Variants in EPB42 observed in about 807,000 individuals in gnomAD.
The protein encoded by EPB42 is erythrocyte membrane protein band 4.2.
EPB42 carries 49 observed loss-of-function variants against 76.9 expected under a neutral mutation model. The observed-to-expected ratio is 0.64, with a 90% CI of 0.51 to 0.81. The LOEUF (loss-of-function observed/expected upper bound fraction) is 0.81, where lower values mean the gene tolerates loss of function less well. EPB42 is among the 30% of genes least tolerant of loss of function. EPB42 has a pLI of 0.00. For missense variants in EPB42, 731 were observed against 867.6 expected (o/e 0.84, Z 1.98); for synonymous variants, 310 against 338.4 (o/e 0.92, Z 0.92).
intron 10 of EPB42, among the ~76,000 whole-genome samples, chr15:43,205,566 AT>A (rs2042190132): frequency 6.6e-6 from 1 of 151,948 alleles, no homozygotes; most frequent in Non-Finnish European, 1.5e-5. Context: ...AGCCTGGCTA[AT>A]TTTTGTATTT....
Position 43,197,482 on chromosome 15 carries a change from G to A in EPB42, c.1914-18C>T, listed in dbSNP as rs2042058912. The A allele has an allele frequency of 1.2e-6, 2 of 1,613,384 alleles. No individual in the cohort carries two copies. The highest frequency in any genetic ancestry group is 1.3e-5 in the African/African-American group (1 of 74,894). ...AACGGAATCTGAAATAAAGGAAAAG[G>A]CAGGTGCTAGTTCTGTCCCAGGTTC... On this transcript the variant is annotated intron_variant, in intron 12 of 12. Coordinates refer to ENST00000441366, the MANE Select transcript of EPB42 (RefSeq NM_001114134.2).
chr15:43,211,599 C>T, intron 3 of EPB42, 65 bp from the exon 4 acceptor site: 1 of 1,064,706 alleles, frequency 9.4e-7, no homozygotes, highest in Non-Finnish European at 1.5e-6. Context: ...ACATCCAGGC[C>T]TCTGTCCTCC....
intron 10 of EPB42, among the ~76,000 whole-genome samples, chr15:43,204,091 G>T (rs527771560): frequency 3.9e-5 from 6 of 152,194 alleles, no homozygotes; most frequent in African/African-American, 1.2e-4. Context: ...CAGTGTCCCT[G>T]GCTGACTACT....
chr15:43,198,080 G>T (rs566061601), intron 12 of EPB42, among the ~76,000 whole-genome samples: 1 of 152,266 alleles, frequency 6.6e-6, no homozygotes, highest in African/African-American at 2.4e-5. Flanking sequence ...TTTCTTCCCA[G>T]TCTCAGGTAT....
chr15:43,205,674 A>G (rs1467771784), intron 10 of EPB42, among the ~76,000 whole-genome samples: 1 of 152,190 alleles, frequency 6.6e-6, no homozygotes, highest in Non-Finnish European at 1.5e-5. Flanking sequence ...TGCTGGGATT[A>G]CAGGCATGAG....
At chr15:43,199,922 A>T (rs1354705111) in intron 12 of EPB42, among the ~76,000 whole-genome samples, 1 of 152,238 alleles carries the variant, frequency 6.6e-6, no homozygotes, top group East Asian at 1.9e-4. Context: ...TCCCGCCATG[A>T]TTCTGAGGCC....
At position 43,207,190 on chromosome 15, in the gene EPB42, G is replaced by A; in HGVS notation, c.1318+9C>T. On this transcript the variant is annotated intron_variant, in intron 9 of 12. Coordinates refer to ENST00000441366, the MANE Select transcript of EPB42 (RefSeq NM_001114134.2). ...ACCGAGAAGCCTGGGGCCCTTCCCTGGCCCGTACCTTCAGGATACTTGTAG... is the reference window on the plus strand; with the variant it reads ...ACCGAGAAGCCTGGGGCCCTTCCCTAGCCCGTACCTTCAGGATACTTGTAG... The A allele has an allele frequency of 6.2e-7, 1 of 1,613,816 alleles. No individual in the cohort carries two copies. Among genetic ancestry groups the A allele is most frequent in the East Asian group, 2.2e-5 (1 of 44,886 alleles).
chr15:43,206,345 G>C lies in EPB42; in HGVS notation c.1603C>G (p.Leu535Val). The C allele has an allele frequency of 6.2e-7, 1 of 1,611,974 alleles. No homozygotes were observed. The highest frequency in any genetic ancestry group is 1.1e-5 in the South Asian group (1 of 91,052). ...AGAGCATTACCCAGGTTGGCACTGA[G>C]CGTGAGGTGCAGCTTCTTCCTCCAG... ...KLWRKKLHLT[L>V]SANLEKIITI... Residue 535 changes from leucine to valine, a missense_variant, in exon 10 of 13, where the codon CTC becomes GTC. By Grantham distance (32) the Leu-to-Val change is conservative (BLOSUM62 1). Transcript: ENST00000441366. The surrounding 1 kb of genome is among the most constrained non-coding windows in gnomAD (Gnocchi z 4.7).
At chr15:43,225,671 T>G (rs2042501764), upstream of EPB42, among the ~76,000 whole-genome samples, 1 of 152,214 alleles carries the variant, frequency 6.6e-6, no homozygotes, top group Non-Finnish European at 1.5e-5. Flanking sequence ...ACTAAGTGCG[T>G]ACACCATTAG....
In EPB42 at chr15:43,203,237, C is replaced by G. The variant is rs115998465; in HGVS notation, c.1657G>C (p.Glu553Gln). ...ITIGLFFSNF[E>Q]RNPPENTFLR... ...AAGGTGTTCTCGGGTGGGTTTCGCTCAAAATTGGAGAAGAACAGGCCGATG... is the reference window on the plus strand; with the variant it reads ...AAGGTGTTCTCGGGTGGGTTTCGCTGAAAATTGGAGAAGAACAGGCCGATG... Residue 553 changes from glutamate (E) to glutamine (Q), a missense_variant, in exon 11 of 13, where the codon GAG becomes CAG. Physicochemically the swap from Glu to Gln is conservative, Grantham distance 29 (BLOSUM62 2). Transcript: ENST00000441366. 6.2e-7 allele frequency: 1 copy of G among 1,613,966 alleles called. No homozygotes were observed. The highest frequency in any genetic ancestry group is 1.3e-5 in the African/African-American group (1 of 74,918).
At chr15:43,215,989 G>A (rs2142317584) in intron 2 of EPB42, among the ~76,000 whole-genome samples, 1 of 152,304 alleles carries the variant, frequency 6.6e-6, no homozygotes, top group Admixed American at 6.5e-5. Context: ...ACCACACCCG[G>A]CCCCATCCAG....
At chr15:43,214,447 G>A (rs915305107) in intron 3 of EPB42, among the ~76,000 whole-genome samples, 10 of 152,226 alleles carry the variant, frequency 6.6e-5, no homozygotes, top group Admixed American at 3.9e-4. Context: ...TCTGGAGAGC[G>A]CCCAGCAATC....
Position 43,216,329 on chromosome 15 carries a change from G to A in EPB42, c.135C>T (p.Phe45=). 1.2e-6 allele frequency: 2 copies of A among 1,614,230 alleles called. No individual in the cohort carries two copies. The highest frequency in any genetic ancestry group is 1.3e-5 in the African/African-American group (1 of 75,070). ...RGQPFTIILY[F]RAPVRAFLPA... ...GCAGAAATGCACGGACTGGAGCGCG[G>A]AAGTACAGGATGATGGTGAAGGGCT... Residue 45 remains phenylalanine (F), a synonymous_variant, in exon 2 of 13, where the codon TTC becomes TTT. Coordinates refer to ENST00000441366, the MANE Select transcript of EPB42 (RefSeq NM_001114134.2).
chr15:43,208,212 C>A lies in EPB42; in HGVS notation c.1075+18G>T. The A allele has an allele frequency of 6.2e-7, 1 of 1,611,294 alleles. No individual in the cohort carries two copies. Among genetic ancestry groups the A allele is most frequent in the Non-Finnish European group, 8.5e-7 (1 of 1,178,150 alleles). On this transcript the variant is annotated intron_variant, in intron 8 of 12. Transcript: ENST00000441366. ...CTGTGCAGCCCTGCGTGGTCCTGGA[C>A]CCACCCCTAGGCTTTACCTCCACCT... is the stretch of plus-strand genomic sequence containing the variant.
intron 12 of EPB42, among the ~76,000 whole-genome samples, chr15:43,198,802 C>G (rs1236854572): frequency 6.6e-6 from 1 of 152,140 alleles, no homozygotes; most frequent in African/African-American, 2.4e-5. Flanking sequence ...GCCCAGGGTT[C>G]CTGTGTTGTA....
intron 5 of EPB42, chr15:43,209,717 T>G (rs1451811583): frequency 2.3e-6 from 1 of 443,922 alleles, no homozygotes; most frequent in Non-Finnish European, 4.0e-6. Context: ...CTGCCCTTCC[T>G]TGGGGGCTGG....
rs902430105 is a variant in EPB42, at chr15:43,206,046, C to T, written c.1618+284G>A. On this transcript the variant is annotated intron_variant, in intron 10 of 12. Coordinates refer to ENST00000441366, the MANE Select transcript of EPB42 (RefSeq NM_001114134.2). This position sits in a 1 kb window ranked among gnomAD's most constrained non-coding sequence, Gnocchi z 4.7. Reference sequence around the variant, plus strand: ...GCTTATTCCAGCCTGGGGGGAGGTGCTCTCCTGCCACTGTACTCTGTTAAA... The same window carrying T: ...GCTTATTCCAGCCTGGGGGGAGGTGTTCTCCTGCCACTGTACTCTGTTAAA... 2.9e-6 allele frequency: 1 copy of T among 350,792 alleles called. No homozygotes were observed. The highest frequency in any genetic ancestry group is 5.2e-6 in the Non-Finnish European group (1 of 192,420). 21.7% of individuals were successfully genotyped at this position (350,792 alleles called of 1,614,324 possible).
chr15:43,204,351 C>T (rs374491502), intron 10 of EPB42, among the ~76,000 whole-genome samples: 37 of 152,022 alleles, frequency 2.4e-4, no homozygotes, highest in African/African-American at 8.9e-4. Context: ...CTGCTGGGTT[C>T]CCTCCTCACC....
intron 1 of EPB42, 128 bp from the exon 2 acceptor site, chr15:43,216,581 C>A (rs1477644918): frequency 1.3e-5 from 13 of 975,636 alleles, no homozygotes; most frequent in Admixed American, 4.1e-5. Flanking sequence ...GCTGCGCAAT[C>A]CCAGGCAAGT....
Sources: gnomAD v4.1 joint callset for allele counts (sites outside exome capture counted in the v4.1 genomes callset) on GRCh38, gnomAD v4.1.1 for gene constraint, Gnocchi (gnomAD v3.1) non-coding constraint, MANE v1.5 for transcripts, NCBI Gene and HGNC (gene_info 2026-07-23, HGNC 2026-07-21) for gene names.